SAP130: variants seen among roughly 807,000 people sequenced by gnomAD.
The protein encoded by SAP130 is histone deacetylase complex subunit SAP130.
Under a neutral mutation model 103.2 loss-of-function variants are expected in SAP130, and 16 were observed. That is an observed-to-expected ratio of 0.16 (90% CI 0.10 to 0.24). The LOEUF (loss-of-function observed/expected upper bound fraction) is 0.24, where lower values mean the gene tolerates loss of function less well. Among genes scored for constraint, SAP130 ranks in the 10% least tolerant of loss-of-function variants. SAP130 has a pLI of 1.00. For missense variants in SAP130, 990 were observed against 1,359.7 expected, an observed-to-expected ratio of 0.73 and a Z score of 4.28; for synonymous variants, 477 against 497.0, an observed-to-expected ratio of 0.96 and a Z score of 0.53.
At chr2:127,960,137 G>A (rs2104794404) in intron 15 of SAP130, among the ~76,000 whole-genome samples, 1 of 152,316 alleles carries the variant, frequency 6.6e-6, no homozygotes, top group African/African-American at 2.4e-5. Flanking sequence ...GAAGAGTGTG[G>A]ATAGAATAAA....
intron 10 of SAP130, among the ~76,000 whole-genome samples, chr2:127,998,561 ATT>A (rs1683330210): frequency 6.6e-6 from 1 of 152,234 alleles, no homozygotes; most frequent in South Asian, 2.1e-4. Flanking sequence ...GAGAGATCCT[ATT>A]ATAATACAGA....
At chr2:127,970,499 C>T (rs988373176) in intron 15 of SAP130, among the ~76,000 whole-genome samples, 9 of 137,756 alleles carry the variant, frequency 6.5e-5, no homozygotes, top group Admixed American at 5.5e-4. Flanking sequence ...CGAGATCGTA[C>T]CACTGCACTC....
In SAP130 at chr2:127,941,865, A is replaced by G; in HGVS notation, c.*141T>C. On this transcript the variant is annotated 3_prime_UTR_variant, in exon 21 of 21. Transcript: ENST00000643581. ...TGATCCTTTCACGCCCTTGGATGTC[A>G]TGGGTTCCTCTGCTTTCACACGGGA... 1.3e-6 allele frequency: 1 copy of G among 771,690 alleles called. No homozygotes were observed. Among genetic ancestry groups the G allele is most frequent in the Non-Finnish European group, 2.1e-6 (1 of 473,346 alleles). The allele number at this position is 771,690 out of a possible 1,614,324, so 47.8% of individuals were successfully genotyped here. A position where few individuals can be genotyped will look rare whatever the true frequency, so the allele number is the denominator to read the frequency against.
intron 11 of SAP130, 79 bp from the exon 12 acceptor site, chr2:127,993,387 CTT>C: frequency 1.4e-6 from 2 of 1,439,026 alleles, no homozygotes; most frequent in Non-Finnish European, 1.9e-6. Flanking sequence ...CCCAGTTCCT[CTT>C]TGTGTCCTTC....
intron 15 of SAP130, among the ~76,000 whole-genome samples, chr2:127,975,056 T>C (rs1573709738): frequency 6.6e-6 from 1 of 152,196 alleles, no homozygotes; most frequent in Non-Finnish European, 1.5e-5. Context: ...CGTATCCCCA[T>C]TGTTATGTGG....
intron 5 of SAP130, among the ~76,000 whole-genome samples, chr2:128,014,225 AT>A (rs1326293582): frequency 7.1e-6 from 1 of 140,606 alleles, no homozygotes; most frequent in Non-Finnish European, 1.6e-5. Flanking sequence ...CTGTCTTGCG[AT>A]TTTTTTTCTT....
chr2:127,996,416 A>AGGCTACTCCTCT lies in SAP130; in HGVS notation c.1277_1288dup (p.Ser429_Leu430insGlnArgSerSer). ...GGCCCGATGTCCGGAGATGGGAATCAGGCTACTCCTCTCGGCAGGGTAGTC... is the reference window on the plus strand; with the variant it reads ...GGCCCGATGTCCGGAGATGGGAATCAGGCTACTCCTCTGGCTACTCCTCTCGGCAGGGTAGTC... On this transcript the variant is annotated inframe_insertion, in exon 11 of 21. Transcript: ENST00000643581. The surrounding 1 kb of genome is among the most constrained non-coding windows in gnomAD (Gnocchi z 4.3). 6.2e-7 allele frequency: 1 copy of AGGCTACTCCTCT among 1,610,630 alleles called. No homozygotes were observed. Among genetic ancestry groups the AGGCTACTCCTCT allele is most frequent in the Non-Finnish European group, 8.5e-7 (1 of 1,178,458 alleles).
chr2:127,970,431 C>T (rs1680998119), intron 15 of SAP130, among the ~76,000 whole-genome samples: 1 of 150,434 alleles, frequency 6.6e-6, no homozygotes, highest in Admixed American at 6.7e-5. Flanking sequence ...ATCCCAGCTG[C>T]TCAGGAGGCT....
rs1435165538 is a variant in SAP130 at position 128,000,053 on chromosome 2, T to C, written c.1108+3A>G. The C allele has an allele frequency of 6.2e-7, 1 of 1,613,708 alleles. No homozygotes were observed. Among genetic ancestry groups the C allele is most frequent in the Non-Finnish European group, 8.5e-7 (1 of 1,179,736 alleles). On this transcript the variant is annotated splice_donor_region_variant and intron_variant, in intron 9 of 20. Coordinates refer to ENST00000643581, the MANE Select transcript of SAP130 (RefSeq NM_001330301.2). ...AGAAGGAAGAGGAGGGTCGTGGACTTACCAGCTGTGGTCGCTGAAGGAATG... is the reference window on the plus strand; with the variant it reads ...AGAAGGAAGAGGAGGGTCGTGGACTCACCAGCTGTGGTCGCTGAAGGAATG...
Position 127,955,730 on chromosome 2 carries a change from C to A in SAP130, c.2064-386G>T, listed in dbSNP as rs549839550. On this transcript the variant is annotated intron_variant, in intron 15 of 20. Coordinates refer to ENST00000643581, the MANE Select transcript of SAP130 (RefSeq NM_001330301.2). This position sits in a 1 kb window ranked among gnomAD's most constrained non-coding sequence, Gnocchi z 4.9. The stretch of plus-strand genomic sequence containing the variant: ...CTCCAACTCCTGAACTCAAGTGATC[C>A]GCCTGCCTCGGCCTCCCAAAGTGAT... Among the ~76,000 whole-genome samples the A allele has an allele frequency of 6.6e-6, 1 of 152,122 alleles. No homozygotes were observed.
intron 16 of SAP130, among the ~76,000 whole-genome samples, chr2:127,954,705 G>C (rs1014972570): frequency 6.6e-6 from 1 of 152,192 alleles, no homozygotes; most frequent in Non-Finnish European, 1.5e-5. Context: ...ACTAGGCATG[G>C]AAGGAAACTA....
At chr2:127,946,694 C>T (rs1051651396) in intron 18 of SAP130, among the ~76,000 whole-genome samples, 1 of 151,484 alleles carries the variant, frequency 6.6e-6, no homozygotes, top group Admixed American at 6.6e-5. Context: ...ACCAGCCTGG[C>T]CAACATGGTG....
chr2:128,022,761 G>T (rs1206872424), intron 2 of SAP130, among the ~76,000 whole-genome samples: 2 of 151,794 alleles, frequency 1.3e-5, no homozygotes, highest in East Asian at 3.9e-4. Context: ...TAGCTCTTCT[G>T]TACTCAAATA....
At chr2:127,977,382 C>T (rs912512795) in intron 15 of SAP130, among the ~76,000 whole-genome samples, 2 of 148,958 alleles carry the variant, frequency 1.3e-5, no homozygotes, top group Non-Finnish European at 3.0e-5. Flanking sequence ...TGCCTGTAAT[C>T]CCAGCTACTC....
At chr2:128,019,739 T>C (rs1040843663) in intron 2 of SAP130, among the ~76,000 whole-genome samples, 1 of 151,962 alleles carries the variant, frequency 6.6e-6, no homozygotes, top group African/African-American at 2.4e-5. Flanking sequence ...TACAAAAAAA[T>C]AGCCAGGTGT....
chr2:127,945,396 C>T (rs1269771358), intron 19 of SAP130, 60 bp downstream of exon 19: 48 of 991,242 alleles, frequency 4.8e-5, no homozygotes, highest in Non-Finnish European at 6.8e-5. Flanking sequence ...ATGAACTCAG[C>T]TATCTGCAGT....
intron 7 of SAP130, among the ~76,000 whole-genome samples, chr2:128,005,650 C>CTT (rs774112498): frequency 7.0e-5 from 10 of 143,616 alleles, no homozygotes; most frequent in South Asian, 2.2e-4. Flanking sequence ...GTTTTTCTTT[C>CTT]TTTTTTTTTT....
At position 127,941,523 on chromosome 2, in the gene SAP130, T is replaced by TA. The variant is rs1678707551; in HGVS notation, c.*482dup. 1.3e-5 allele frequency: 2 copies of TA among 156,106 alleles called. No individual in the cohort carries two copies. The highest frequency in any genetic ancestry group is 4.8e-5 in the African/African-American group (2 of 41,480). 9.7% of individuals were successfully genotyped at this position (156,106 alleles called of 1,614,324 possible). A position where few individuals can be genotyped will look rare whatever the true frequency, so the allele number is the denominator to read the frequency against. On this transcript the variant is annotated 3_prime_UTR_variant, in exon 21 of 21. Transcript: ENST00000643581. ...CTCGCTTGGTGCCGTGGCACTGCTGTAAAAGGCCAACATGGGCATTTGAAG... is the reference window on the plus strand; with the variant it reads ...CTCGCTTGGTGCCGTGGCACTGCTGTAAAAAGGCCAACATGGGCATTTGAAG...
intron 12 of SAP130, among the ~76,000 whole-genome samples, chr2:127,992,132 C>T (rs1316839214): frequency 6.6e-6 from 1 of 151,994 alleles, no homozygotes; most frequent in Non-Finnish European, 1.5e-5. Flanking sequence ...CCACCATGCC[C>T]ACCTAATTTT....
Sources: allele counts gnomAD v4.1 joint callset (sites outside exome capture counted in the v4.1 genomes callset), GRCh38; gene constraint gnomAD v4.1.1; non-coding constraint Gnocchi (gnomAD v3.1); transcripts MANE v1.5; gene names NCBI Gene and HGNC (gene_info 2026-07-23, HGNC 2026-07-21).